Variants in UBE3B observed in about 807,000 individuals in gnomAD.
UBE3B encodes the protein ubiquitin protein ligase E3B.
Under a neutral mutation model 132.3 loss-of-function variants are expected in UBE3B, and 80 were observed. The observed-to-expected ratio is 0.60, with a 90% CI of 0.50 to 0.73. UBE3B has a LOEUF of 0.73. UBE3B is among the 30% of genes least tolerant of loss of function. The pLI is 0.00. For missense variants in UBE3B, 1,196 were observed against 1,362.5 expected (o/e 0.88, Z 1.92); for synonymous variants, 487 against 520.4 (o/e 0.94, Z 0.87).
intron 9 of UBE3B, among the ~76,000 whole-genome samples, chr12:109,493,824 C>T (rs1433183682): frequency 2.6e-5 from 4 of 152,058 alleles, no homozygotes; most frequent in Admixed American, 2.6e-4. Flanking sequence ...CTCTTATCTC[C>T]GTTTTATTTA....
At chr12:109,498,111 T>C in intron 10 of UBE3B, 122 bp from the exon 11 acceptor site, 1 of 1,457,250 alleles carries the variant, frequency 6.9e-7, no homozygotes, top group Admixed American at 1.9e-5. Context: ...CTGTCCATTT[T>C]CTTCTTGGTG....
chr12:109,503,730 A>C (rs1471292409), intron 14 of UBE3B, among the ~76,000 whole-genome samples: 2 of 152,360 alleles, frequency 1.3e-5, no homozygotes, highest in East Asian at 3.9e-4. Flanking sequence ...CATGGAGGAA[A>C]GTCCCCTCTG....
At chr12:109,528,426 T>G in intron 24 of UBE3B, 1 of 985,346 alleles carries the variant, frequency 1.0e-6, no homozygotes, top group Non-Finnish European at 1.2e-6. Flanking sequence ...GGTTTGCTGC[T>G]GGAAAATTTT....
At chr12:109,478,521 C>T (rs1010618044) in intron 1 of UBE3B, among the ~76,000 whole-genome samples, 1 of 152,196 alleles carries the variant, frequency 6.6e-6, no homozygotes, top group African/African-American at 2.4e-5. Context: ...TGGCTCACGC[C>T]TGTAATCCTA....
intron 24 of UBE3B, among the ~76,000 whole-genome samples, 172 bp from the exon 25 acceptor site, chr12:109,529,718 C>T (rs956101016): frequency 2.6e-5 from 4 of 152,114 alleles, no homozygotes; most frequent in African/African-American, 7.2e-5. Context: ...GTGTGCAGTT[C>T]GTGAGTGCTG....
chr12:109,501,615 G>A (rs1217251508), intron 13 of UBE3B, 81 bp downstream of exon 13: 25 of 1,498,374 alleles, frequency 1.7e-5, no homozygotes, highest in African/African-American at 5.6e-5. Context: ...TGGATGTTCC[G>A]CTGTGTTTGT....
Position 109,530,003 on chromosome 12 carries a change from T to A in UBE3B, c.2741T>A (p.Met914Lys), listed in dbSNP as rs765037011. 86 of 1,613,972 alleles carry A rather than the reference T, an allele frequency of 5.3e-5. No homozygotes were observed. The highest frequency in any genetic ancestry group is 7.2e-5 in the Non-Finnish European group (85 of 1,180,034). Residue 914 changes from methionine to lysine, a missense_variant, in exon 25 of 28, where the codon ATG becomes AAG. Physicochemically the swap from Met to Lys is moderately conservative, Grantham distance 95 (BLOSUM62 -1). Coordinates refer to ENST00000342494, the MANE Select transcript of UBE3B (RefSeq NM_130466.4). ...RSIIKPEWIR[M>K]FSTPELQRLI... is the part of the protein sequence containing the mutation. ...ATTATCAAACCCGAGTGGATCCGAA[T>A]GTTCTCAACTCCTGAACTGCAGCGT...
At chr12:109,529,616 G>C (rs2098453465) in intron 24 of UBE3B, among the ~76,000 whole-genome samples, 1 of 152,184 alleles carries the variant, frequency 6.6e-6, no homozygotes. Context: ...CCGACATAGT[G>C]GGGGCTTACC....
At position 109,490,548 on chromosome 12, in the gene UBE3B, G is replaced by A. The variant is rs922246082; in HGVS notation, c.631-497G>A. The A allele has an allele frequency of 2.6e-6, 4 of 1,536,076 alleles. No individual in the cohort carries two copies. In the East Asian group the frequency reaches 9.8e-5, roughly 38 times the overall value. On this transcript the variant is annotated intron_variant, in intron 8 of 27. Transcript: ENST00000342494. Reference sequence around the variant, plus strand: ...TATGCTCCTCACAACAACCCTGTGAGGTGGTCCGTTGGCAGAAGCTGGTAT... The same window carrying A: ...TATGCTCCTCACAACAACCCTGTGAAGTGGTCCGTTGGCAGAAGCTGGTAT...
chr12:109,513,380 C>T (rs549521815), intron 18 of UBE3B, among the ~76,000 whole-genome samples: 3 of 152,204 alleles, frequency 2.0e-5, no homozygotes, highest in African/African-American at 4.8e-5. Flanking sequence ...CAGAGTAGTT[C>T]GTGGTTTCAA....
rs1243208925 is a variant in UBE3B at position 109,492,264 on chromosome 12, TGAA to T, written c.713+1141_713+1143del. On this transcript the variant is annotated intron_variant, in intron 9 of 27. Coordinates refer to ENST00000342494, the MANE Select transcript of UBE3B (RefSeq NM_130466.4). Reference sequence around the variant, plus strand: ...GAAAATTCATTTAAGTTAAATAAAATGAAGAATTCACTTCCTCAGTTGCATTAG... The same window carrying T: ...GAAAATTCATTTAAGTTAAATAAAATGAATTCACTTCCTCAGTTGCATTAG... 7.9e-5 allele frequency: 12 copies of T among 152,346 alleles called. No individual in the cohort carries two copies. The East Asian group carries it at 2.1e-3, about 27-fold the overall frequency. 9.4% of individuals were successfully genotyped at this position (152,346 alleles called of 1,614,324 possible). A position where few individuals can be genotyped will look rare whatever the true frequency, so the allele number is the denominator to read the frequency against.
At chr12:109,518,487 T>C (rs1871669147) in intron 19 of UBE3B, among the ~76,000 whole-genome samples, 1 of 152,212 alleles carries the variant, frequency 6.6e-6, no homozygotes, top group Non-Finnish European at 1.5e-5. Flanking sequence ...ACCTCTGCTT[T>C]TGATTCAGAA....
chr12:109,498,830 T>G (rs1878572577), intron 11 of UBE3B, among the ~76,000 whole-genome samples: 1 of 140,816 alleles, frequency 7.1e-6, no homozygotes, highest in Non-Finnish European at 1.5e-5. Context: ...GTTTTTTTTG[T>G]TTTTTTTTTT....
intron 15 of UBE3B, chr12:109,508,482 A>G (rs961292245): frequency 1.4e-5 from 14 of 981,616 alleles, no homozygotes; most frequent in Non-Finnish European, 1.7e-5. Context: ...TTTTAAGCTT[A>G]TGCATCTTGT....
intron 19 of UBE3B, among the ~76,000 whole-genome samples, chr12:109,517,589 C>T (rs1592948056): frequency 1.3e-5 from 2 of 152,212 alleles, no homozygotes; most frequent in African/African-American, 4.8e-5. Context: ...GCCACAGCCT[C>T]CCCTGGGCTT....
chr12:109,502,841 T>A (rs892982641), intron 13 of UBE3B, among the ~76,000 whole-genome samples, 182 bp from the exon 14 acceptor site: 2 of 152,248 alleles, frequency 1.3e-5, no homozygotes, highest in Non-Finnish European at 2.9e-5. Context: ...GGGTTGTACC[T>A]AAAAACCTGT....
At chr12:109,516,457 G>T (rs140112589) in intron 18 of UBE3B, among the ~76,000 whole-genome samples, 12 of 152,094 alleles carry the variant, frequency 7.9e-5, no homozygotes, top group Admixed American at 2.0e-4. Context: ...GATTACAGGC[G>T]TGAGCCCCCA....
rs1883425271 is a variant in UBE3B, at chr12:109,536,244, G to A, written c.*1462G>A. Reference sequence around the variant, plus strand: ...ACAGGAATGTATTAATATTATTGAAGGTGTGTTCGTAACCTCTGATTCTGT... The same window carrying A: ...ACAGGAATGTATTAATATTATTGAAAGTGTGTTCGTAACCTCTGATTCTGT... On this transcript the variant is annotated 3_prime_UTR_variant, in exon 28 of 28. Transcript: ENST00000342494. The A allele has an allele frequency of 6.6e-6, 1 of 152,258 alleles. No individual in the cohort carries two copies. Among genetic ancestry groups the A allele is most frequent in the African/African-American group, 2.4e-5 (1 of 41,464 alleles). The allele number at this position is 152,258 out of a possible 1,614,324, so 9.4% of individuals were successfully genotyped here.
Position 109,510,422 on chromosome 12 carries a change from G to C in UBE3B, c.1820G>C (p.Arg607Pro). ...WLMVLYERDCRRRFTPEDHWL... is the reference protein window; with the variant it reads ...WLMVLYERDCPRRFTPEDHWL... Reference sequence around the variant, plus strand: ...ATGGTGCTGTACGAGCGGGACTGCCGGCGGCGCTTCACCCCCGAGGACCAC... The same window carrying C: ...ATGGTGCTGTACGAGCGGGACTGCCCGCGGCGCTTCACCCCCGAGGACCAC... Residue 607 changes from arginine (R) to proline (P), a missense_variant, in exon 17 of 28, where the codon CGG (arginine) becomes CCG (proline). Arg to Pro is a moderately radical substitution (Grantham distance 103). Coordinates refer to ENST00000342494, the MANE Select transcript of UBE3B (RefSeq NM_130466.4). 6.2e-7 allele frequency: 1 copy of C among 1,612,826 alleles called. No homozygotes were observed. The highest frequency in any genetic ancestry group is 8.5e-7 in the Non-Finnish European group (1 of 1,179,598).
Sources: allele counts gnomAD v4.1 joint callset (sites outside exome capture counted in the v4.1 genomes callset), GRCh38; gene constraint gnomAD v4.1.1; transcripts MANE v1.5; gene names NCBI Gene and HGNC (gene_info 2026-07-23, HGNC 2026-07-21).